Variants in CEP63 observed in about 807,000 individuals in gnomAD.
CEP63 encodes the protein centrosomal protein of 63 kDa.
A neutral mutation model predicts 89.1 loss-of-function variants in CEP63; 84 were observed. The observed-to-expected ratio is 0.94, with a 90% CI of 0.79 to 1.13. The LOEUF is 1.13. Among genes scored for constraint, CEP63 ranks in the 50% most tolerant of loss-of-function variants. The pLI is 0.00. For synonymous variants in CEP63, 267 were observed against 272.5 expected (o/e 0.98, Z 0.20); for missense variants, 838 against 813.3 (o/e 1.03, Z -0.37).
At chr3:134,529,963 C>T (rs1320189024) in intron 3 of CEP63, among the ~76,000 whole-genome samples, 1 of 150,070 alleles carries the variant, frequency 6.7e-6, no homozygotes, top group African/African-American at 2.5e-5. Context: ...AAGCTCCGTC[C>T]TCTGGGTTCA....
chr3:134,629,523 C>T, the CEP63 span: 2 of 893,934 alleles, frequency 2.2e-6, no homozygotes, highest in Non-Finnish European at 3.6e-6. Context: ...TCACTCTTCT[C>T]CTTCCCTCAG....
At chr3:134,651,192 A>T in the CEP63 span, 1 of 1,357,136 alleles carries the variant, frequency 7.4e-7, no homozygotes. Flanking sequence ...GTCACCTTTG[A>T]AAGGAAATCC....
chr3:134,664,732 CT>C, the CEP63 span, among the ~76,000 whole-genome samples: 3 of 151,138 alleles, frequency 2.0e-5, no homozygotes, highest in African/African-American at 7.3e-5. Context: ...AGCTACCCTA[CT>C]AGTACCATGG....
chr3:134,721,477 G>A, the CEP63 span, among the ~76,000 whole-genome samples: 2 of 151,836 alleles, frequency 1.3e-5, no homozygotes, highest in Non-Finnish European at 2.9e-5. Context: ...TTACCTAGTG[G>A]CCCTTACTGG....
the CEP63 span, among the ~76,000 whole-genome samples, chr3:134,611,867 T>G: frequency 6.6e-6 from 1 of 152,078 alleles, no homozygotes; most frequent in Non-Finnish European, 1.5e-5. Context: ...CTATAGGAAT[T>G]GGGGGAATCT....
At chr3:134,611,455 G>A in the CEP63 span, among the ~76,000 whole-genome samples, 1 of 152,226 alleles carries the variant, frequency 6.6e-6, no homozygotes, top group African/African-American at 2.4e-5. Context: ...GGACTGTGCA[G>A]ACAATTTCAC....
Position 134,495,290 on chromosome 3 carries a change from T to C in CEP63, c.-25-6T>C, listed in dbSNP as rs1270161526. Reference sequence around the variant, plus strand: ...GTCTCATGACTGATATTTTTTTCTTTGTCAGTTGCCAAAACAAAGGGGATT... The same window carrying C: ...GTCTCATGACTGATATTTTTTTCTTCGTCAGTTGCCAAAACAAAGGGGATT... On this transcript the variant is annotated splice_polypyrimidine_tract_variant and splice_region_variant and intron_variant, in intron 1 of 14. Coordinates refer to ENST00000675561, the MANE Select transcript of CEP63 (RefSeq NM_001353108.3). The C allele has an allele frequency of 6.2e-7, 1 of 1,607,400 alleles. No individual in the cohort carries two copies. Among genetic ancestry groups the C allele is most frequent in the Non-Finnish European group, 8.5e-7 (1 of 1,174,028 alleles).
At chr3:134,608,110 C>T in the CEP63 span, 17 of 1,128,618 alleles carry the variant, frequency 1.5e-5, no homozygotes, top group African/African-American at 2.8e-4. Context: ...ATGTTGCTCC[C>T]CATCCTTGCT....
the CEP63 span, among the ~76,000 whole-genome samples, chr3:134,631,695 C>T: frequency 6.6e-6 from 1 of 151,516 alleles, no homozygotes; most frequent in African/African-American, 2.4e-5. Context: ...ATAATACATA[C>T]AAAAATAGCT....
the CEP63 span, among the ~76,000 whole-genome samples, chr3:134,725,721 G>A: frequency 6.6e-6 from 1 of 152,228 alleles, no homozygotes; most frequent in Non-Finnish European, 1.5e-5. Flanking sequence ...AAGTTCTGCA[G>A]CAGAGACAGG....
downstream of CEP63, among the ~76,000 whole-genome samples, chr3:134,576,728 C>G (rs1273556204): frequency 6.6e-6 from 1 of 152,192 alleles, no homozygotes; most frequent in African/African-American, 2.4e-5. Context: ...GTAACTTCAG[C>G]CACCCAAGAG....
At chr3:134,672,946 A>G in the CEP63 span, among the ~76,000 whole-genome samples, 3 of 152,064 alleles carry the variant, frequency 2.0e-5, no homozygotes, top group African/African-American at 7.2e-5. Context: ...GTTTCCCTTT[A>G]CTTATAGGAT....
At chr3:134,494,035 G>T (rs1427764486) in intron 1 of CEP63, among the ~76,000 whole-genome samples, 3 of 151,944 alleles carry the variant, frequency 2.0e-5, no homozygotes, top group Non-Finnish European at 2.9e-5. Context: ...GAGTTTAAGG[G>T]TCCTCTTTCC....
At chr3:134,628,068 A>T in the CEP63 span, 1 of 562,410 alleles carries the variant, frequency 1.8e-6, no homozygotes, top group African/African-American at 1.9e-5. Flanking sequence ...CTGCAACTGG[A>T]GTTAGTATTT....
At chr3:134,736,151 G>A in the CEP63 span, among the ~76,000 whole-genome samples, 4 of 152,198 alleles carry the variant, frequency 2.6e-5, no homozygotes, top group Admixed American at 2.6e-4. Context: ...GGTTAAAGGG[G>A]TGAAAACATA....
At chr3:134,726,455 G>GACACACACACAC in the CEP63 span, among the ~76,000 whole-genome samples, 14 of 51,072 alleles carry the variant, frequency 2.7e-4, no homozygotes, top group African/African-American at 6.3e-4. Flanking sequence ...CAGGCACACA[G>GACACACACACAC]ACAGACACAC....
chr3:134,661,549 A>G, the CEP63 span, among the ~76,000 whole-genome samples: 8 of 151,694 alleles, frequency 5.3e-5, no homozygotes, highest in East Asian at 1.4e-3. Context: ...GAAGATAACA[A>G]TGGAATTGAA....
intron 12 of CEP63, among the ~76,000 whole-genome samples, chr3:134,557,383 T>TG (rs1453586421): frequency 9.3e-6 from 1 of 107,926 alleles, no homozygotes; most frequent in Non-Finnish European, 2.1e-5. Flanking sequence ...TTTGTTTTTT[T>TG]TTTTTTTTTT....
chr3:134,729,950 G>A, the CEP63 span, among the ~76,000 whole-genome samples: 1 of 152,158 alleles, frequency 6.6e-6, no homozygotes. Context: ...AAGAGGCCCT[G>A]AGAAAGTGCT....
Sources: allele counts gnomAD v4.1 joint callset (sites outside exome capture counted in the v4.1 genomes callset), GRCh38; gene constraint gnomAD v4.1.1; transcripts MANE v1.5; gene names NCBI Gene and HGNC (gene_info 2026-07-23, HGNC 2026-07-21).